The following MAP4 variants were observed in gnomAD, a reference collection of about 807,000 sequenced individuals.
MAP4 encodes microtubule associated protein 4.
Under a neutral mutation model 170.2 loss-of-function variants are expected in MAP4, and 76 were observed. That is an observed-to-expected ratio of 0.45 (90% confidence interval 0.37 to 0.54). The LOEUF (loss-of-function observed/expected upper bound fraction) is 0.54. Among genes scored for constraint, MAP4 ranks in the 20% least tolerant of loss-of-function variants. MAP4 has a pLI of 0.00. For missense variants in MAP4, 2,506 were observed against 2,748.0 expected (o/e 0.91, Z 1.97); for synonymous variants, 909 against 994.5 (o/e 0.91, Z 1.62).
At chr3:48,051,917 A>C (rs1029112873) in intron 1 of MAP4, among the ~76,000 whole-genome samples, 1 of 152,218 alleles carries the variant, frequency 6.6e-6, no homozygotes, top group African/African-American at 2.4e-5. Context: ...TTGATCTTGC[A>C]ATTTGTTTAG....
chr3:48,034,258 TC>T (rs1559828694), intron 1 of MAP4, among the ~76,000 whole-genome samples: 1 of 152,200 alleles, frequency 6.6e-6, no homozygotes, highest in East Asian at 1.9e-4. Flanking sequence ...AATGATCTCA[TC>T]CCACTGACCC....
chr3:48,000,139 C>T (rs1245192404), intron 1 of MAP4, among the ~76,000 whole-genome samples: 3 of 142,230 alleles, frequency 2.1e-5, no homozygotes, highest in South Asian at 2.3e-4. Context: ...CGCTTGAACC[C>T]GGGAGATGGA....
intron 10 of MAP4, among the ~76,000 whole-genome samples, chr3:47,885,244 C>T (rs182253302): frequency 9.4e-4 from 143 of 152,142 alleles, no homozygotes; most frequent in African/African-American, 3.3e-3. Flanking sequence ...AAAGAAAACC[C>T]AGGGGATGGA....
In MAP4 at chr3:47,875,406, T is replaced by A. The variant is rs76565482; in HGVS notation, c.5757+279A>T. 4.2e-3 allele frequency among the ~76,000 whole-genome samples: 633 copies of A among 152,314 alleles called. 7 individuals are homozygous for A. Among genetic ancestry groups the A allele is most frequent in the African/African-American group, 0.015 (610 of 41,562 alleles). ...AACAGGGAAGGGAAAGGTAAGAGCA[T>A]AAAAGGGCTTCAAAATGTTAATGTC... On this transcript the variant is annotated intron_variant, in intron 12 of 20. Transcript: ENST00000683076.
chr3:48,016,018 G>A (rs1354941738), intron 1 of MAP4, among the ~76,000 whole-genome samples: 1 of 152,160 alleles, frequency 6.6e-6, no homozygotes, highest in Admixed American at 6.5e-5. Context: ...CAAACTGATG[G>A]AATTTCCAGG....
chr3:47,922,582 A>C (rs1423497743), intron 4 of MAP4, among the ~76,000 whole-genome samples: 1 of 152,124 alleles, frequency 6.6e-6, no homozygotes, highest in Non-Finnish European at 1.5e-5. Flanking sequence ...AAAAACCAAC[A>C]AGTAATTTTT....
chr3:47,938,243 A>G (rs552245976), intron 3 of MAP4, among the ~76,000 whole-genome samples: 42 of 152,012 alleles, frequency 2.8e-4, no homozygotes, highest in Admixed American at 9.8e-4. Context: ...ATGGTGGCGC[A>G]CACCTGTAAT....
chr3:47,858,040 T>TTTA (rs1553721272), intron 17 of MAP4, among the ~76,000 whole-genome samples: 1 of 145,200 alleles, frequency 6.9e-6, no homozygotes, highest in Non-Finnish European at 1.5e-5. Flanking sequence ...TTTTTTTTTT[T>TTTA]AAGACAGAGT....
intron 6 of MAP4, among the ~76,000 whole-genome samples, chr3:47,917,633 T>C (rs1472747235): frequency 2.6e-5 from 4 of 151,370 alleles, no homozygotes; most frequent in Non-Finnish European, 5.9e-5. Context: ...AAGTAACATA[T>C]TCTGCCTACT....
chr3:47,915,878 G>A lies in MAP4; in HGVS notation c.1876+73C>T, dbSNP rs552493798. Reference sequence around the variant, plus strand: ...TGACTGTCTGTACTTTACCTGGCATGATGTTTGTCCTTAGTCTTCTCGAGA... The same window carrying A: ...TGACTGTCTGTACTTTACCTGGCATAATGTTTGTCCTTAGTCTTCTCGAGA... On this transcript the variant is annotated intron_variant, in intron 7 of 20. Transcript: ENST00000683076. 1,020 of 1,490,502 alleles carry A rather than the reference G, an allele frequency of 6.8e-4. 5 individuals carry two copies. Among genetic ancestry groups the A allele is most frequent in the Non-Finnish European group, 4.2e-4 (470 of 1,107,952 alleles). The allele number at this position is 1,490,502 out of a possible 1,614,324, so 92.3% of individuals were successfully genotyped here. A position where few individuals can be genotyped will look rare whatever the true frequency, so the allele number is the denominator to read the frequency against.
intron 1 of MAP4, among the ~76,000 whole-genome samples, chr3:48,048,669 G>C (rs532908247): frequency 6.6e-6 from 1 of 151,734 alleles, no homozygotes; most frequent in Non-Finnish European, 1.5e-5. Flanking sequence ...GGTGCATGCC[G>C]CCACACTGGG....
chr3:47,955,559 C>T (rs1023727564), intron 3 of MAP4, among the ~76,000 whole-genome samples: 5 of 151,874 alleles, frequency 3.3e-5, no homozygotes, highest in South Asian at 4.2e-4. Context: ...TTTAGTAAGA[C>T]ATATACAAAG....
At chr3:48,053,009 A>G (rs2100128733) in intron 1 of MAP4, among the ~76,000 whole-genome samples, 1 of 152,244 alleles carries the variant, frequency 6.6e-6, no homozygotes, top group Admixed American at 6.5e-5. Context: ...CTTCACCTTT[A>G]AAGAAACAGA....
intron 1 of MAP4, among the ~76,000 whole-genome samples, chr3:48,050,521 T>C (rs891034336): frequency 2.0e-5 from 3 of 151,914 alleles, no homozygotes; most frequent in African/African-American, 7.2e-5. Flanking sequence ...ATACTATTTT[T>C]CATTTCTCAG....
At chr3:48,017,204 A>G (rs1358573919), upstream of MAP4, among the ~76,000 whole-genome samples, 1 of 152,226 alleles carries the variant, frequency 6.6e-6, no homozygotes, top group Non-Finnish European at 1.5e-5. Flanking sequence ...GATCGGCGAA[A>G]AGAGCCACAG....
chr3:48,056,086 G>C (rs1274886620), intron 1 of MAP4, among the ~76,000 whole-genome samples: 1 of 122,818 alleles, frequency 8.1e-6, no homozygotes, highest in South Asian at 2.8e-4. Context: ...GTCTCCGCCC[G>C]GCAGCCACCC....
At chr3:47,949,952 C>T (rs1412951567) in intron 3 of MAP4, among the ~76,000 whole-genome samples, 1 of 152,210 alleles carries the variant, frequency 6.6e-6, no homozygotes, top group Non-Finnish European at 1.5e-5. Context: ...TTCGACAGCA[C>T]CACCCAGAGC....
intron 3 of MAP4, among the ~76,000 whole-genome samples, chr3:47,951,964 C>T (rs974921220): frequency 3.3e-5 from 5 of 151,784 alleles, no homozygotes; most frequent in African/African-American, 1.2e-4. Context: ...TGCCCGGCCG[C>T]CCACTGTCTG....
chr3:47,878,251 AG>A (rs2095911331), intron 10 of MAP4, among the ~76,000 whole-genome samples: 1 of 152,248 alleles, frequency 6.6e-6, no homozygotes, highest in Admixed American at 6.5e-5. Context: ...GTTTGACTAA[AG>A]AAAAATAAAA....
Sources: allele counts gnomAD v4.1 joint callset (sites outside exome capture counted in the v4.1 genomes callset), GRCh38; gene constraint gnomAD v4.1.1; transcripts MANE v1.5; gene names NCBI Gene and HGNC (gene_info 2026-07-23, HGNC 2026-07-21).